The following WDR36 variants were observed in gnomAD, a reference collection of about 807,000 sequenced individuals.
WDR36 encodes the protein WD repeat domain 36, also known as WD repeat-containing protein 36.
WDR36 carries 63 observed loss-of-function variants against 112.7 expected under a neutral mutation model. The ratio of observed to expected loss-of-function variants is 0.56; its 90% CI spans 0.46 to 0.69. The LOEUF is 0.69. Ranked by LOEUF, WDR36 falls within the 30% of genes least tolerant of loss-of-function variation. WDR36 has a pLI of 0.00. For synonymous variants in WDR36, 410 were observed against 362.2 expected (o/e 1.13, Z -1.50); for missense variants, 1,226 against 1,070.3 (o/e 1.15, Z -2.03).
intron 8 of WDR36, 24 bp downstream of exon 8, chr5:111,104,376 T>C: frequency 6.2e-7 from 1 of 1,611,354 alleles, no homozygotes. Context: ...TGTTAACATC[T>C]TCCTGGCTCA....
chr5:111,115,541 C>T (rs1040620356), intron 16 of WDR36, among the ~76,000 whole-genome samples: 3 of 152,074 alleles, frequency 2.0e-5, no homozygotes, highest in African/African-American at 7.2e-5. Context: ...ATCATCTTTG[C>T]TCAGACTGTG....
chr5:111,126,712 A>G (rs1400283214), intron 22 of WDR36, 22 bp from the exon 23 acceptor site: 3 of 1,612,166 alleles, frequency 1.9e-6, no homozygotes, highest in African/African-American at 1.3e-5. Context: ...TAAATGTTCA[A>G]TCATCATATT....
intron 16 of WDR36, among the ~76,000 whole-genome samples, chr5:111,114,683 C>T (rs1439787492): frequency 6.6e-6 from 1 of 151,684 alleles, no homozygotes. Context: ...GTTGGTATTT[C>T]TTCAATTAAA....
chr5:111,094,896 T>C, intron 1 of WDR36, 24 bp from the exon 2 acceptor site: 1 of 1,573,144 alleles, frequency 6.4e-7, no homozygotes, highest in South Asian at 1.1e-5. Flanking sequence ...AATGAAAATT[T>C]AACCTTTTTT....
At chr5:111,124,247 A>G (rs1338696884) in intron 21 of WDR36, 58 bp downstream of exon 21, 1 of 1,378,108 alleles carries the variant, frequency 7.3e-7, no homozygotes, top group African/African-American at 1.5e-5. Context: ...ACTGTATATG[A>G]GGAGAAATTG....
Position 111,107,288 on chromosome 5 carries a change from T to G in WDR36, c.1181-6T>G. The stretch of plus-strand genomic sequence containing the variant: ...AATTTGATTTATGATTTTCATTACG[T>G]TTTAGAGGAAGCTCGTGAAAGTGAC... On this transcript the variant is annotated splice_polypyrimidine_tract_variant and splice_region_variant and intron_variant, in intron 11 of 22. Coordinates refer to ENST00000513710, the MANE Select transcript of WDR36 (RefSeq NM_139281.3). 1 of 1,608,812 alleles carries G rather than the reference T, an allele frequency of 6.2e-7. No individual in the cohort carries two copies. Among genetic ancestry groups the G allele is most frequent in the Non-Finnish European group, 8.5e-7 (1 of 1,176,726 alleles).
intron 14 of WDR36, 49 bp downstream of exon 14, chr5:111,111,002 G>A: frequency 1.2e-6 from 2 of 1,602,292 alleles, no homozygotes; most frequent in Non-Finnish European, 8.5e-7. Flanking sequence ...TTTGGTAAAA[G>A]TCATAAAGTC....
rs1446795232 is a variant in WDR36 at position 111,094,976 on chromosome 5, G to T, written c.190+29G>T. 3 of 1,595,746 alleles carry T rather than the reference G, an allele frequency of 1.9e-6. No homozygotes were observed. The East Asian group carries it at 6.7e-5, about 36-fold the overall frequency. On this transcript the variant is annotated intron_variant, in intron 2 of 22. Transcript: ENST00000513710. The stretch of plus-strand genomic sequence containing the variant: ...AGTATGGACTTTATTCTGAATTTAT[G>T]CACATCTAAACTTTTTTTTTATTTT...
chr5:111,110,669 T>A (rs1214898459), intron 13 of WDR36, 119 bp from the exon 14 acceptor site: 2 of 1,138,796 alleles, frequency 1.8e-6, no homozygotes, highest in Non-Finnish European at 2.6e-6. Flanking sequence ...AATTTCAAGA[T>A]TTTAAAGGAT....
intron 17 of WDR36, 29 bp from the exon 18 acceptor site, chr5:111,120,467 A>T: frequency 6.5e-7 from 1 of 1,547,050 alleles, no homozygotes; most frequent in Non-Finnish European, 8.9e-7. Flanking sequence ...TATAATTTTT[A>T]AAATATTGCT....
chr5:111,108,659 G>A (rs1045563035), intron 12 of WDR36, among the ~76,000 whole-genome samples: 6 of 151,328 alleles, frequency 4.0e-5, no homozygotes, highest in African/African-American at 1.5e-4. Flanking sequence ...TTTCTGTCTG[G>A]CATGGATTAT....
intron 8 of WDR36, 123 bp from the exon 9 acceptor site, chr5:111,104,574 G>C (rs1282992096): frequency 6.7e-7 from 1 of 1,483,148 alleles, no homozygotes; most frequent in Admixed American, 1.7e-5. Context: ...CTCCCTTGTA[G>C]CTCCAGAGTC....
At position 111,127,287 on chromosome 5, in the gene WDR36, A is replaced by T. The variant is rs540166624; in HGVS notation, c.*404A>T. On this transcript the variant is annotated 3_prime_UTR_variant, in exon 23 of 23. Coordinates refer to ENST00000513710, the MANE Select transcript of WDR36 (RefSeq NM_139281.3). The stretch of plus-strand genomic sequence containing the variant: ...TCACATTAACTTTTATATGATTTTT[A>T]AAAAATTATTACCTGCTTATATTTT... 204 of 212,882 alleles carry T rather than the reference A, an allele frequency of 9.6e-4. No individual in the cohort carries two copies. The highest frequency in any genetic ancestry group is 4.4e-3 in the African/African-American group (193 of 44,280). The allele number at this position is 212,882 out of a possible 1,614,324, so 13.2% of individuals were successfully genotyped here.
intron 19 of WDR36, among the ~76,000 whole-genome samples, chr5:111,123,074 A>G (rs1580404929): frequency 6.6e-6 from 1 of 151,528 alleles, no homozygotes; most frequent in Admixed American, 6.6e-5. Flanking sequence ...GCACCACTTC[A>G]CTCCAGCCTA....
At chr5:111,125,535 A>G (rs1240129161) in intron 21 of WDR36, 73 bp from the exon 22 acceptor site, 1 of 1,444,024 alleles carries the variant, frequency 6.9e-7, no homozygotes, top group Non-Finnish European at 9.5e-7. Context: ...TATTTGGGGT[A>G]TAAAAGGAAA....
rs1753218410 is a variant in WDR36, at chr5:111,106,152, C to T, written c.1180+9C>T. On this transcript the variant is annotated intron_variant, in intron 11 of 22. Coordinates refer to ENST00000513710, the MANE Select transcript of WDR36 (RefSeq NM_139281.3). ...CACAAAGTTTGCAGCAGGTAAGTAA[C>T]TTCAAACTGTGTTTTGAGAAGTTCT... is the stretch of plus-strand genomic sequence containing the variant. The T allele has an allele frequency of 3.7e-6, 6 of 1,605,700 alleles. No individual in the cohort carries two copies. In the South Asian group the frequency reaches 6.6e-5, roughly 18 times the overall value.
In WDR36 at chr5:111,107,344, A is replaced by T; in HGVS notation, c.1231A>T (p.Lys411Ter). ...WDGIIACHQG[K>*]LSCSTWNYQK... The stretch of plus-strand genomic sequence containing the variant: ...TGGTATCATTGCTTGCCATCAAGGT[A>T]AGCTATCTTGCTCAACCTGGAATTA... Residue 411 changes from lysine to a stop codon, truncating the protein, a stop_gained, in exon 12 of 23, where the codon AAG (lysine) becomes TAG (stop). Transcript: ENST00000513710. LOFTEE classifies it high-confidence loss of function. 6.2e-7 allele frequency: 1 copy of T among 1,610,626 alleles called. No homozygotes were observed. Among genetic ancestry groups the T allele is most frequent in the Non-Finnish European group, 8.5e-7 (1 of 1,177,756 alleles).
chr5:111,097,972 G>C (rs1753028084), intron 3 of WDR36, among the ~76,000 whole-genome samples: 1 of 152,184 alleles, frequency 6.6e-6, no homozygotes, highest in African/African-American at 2.4e-5. Context: ...GTTGTTTATA[G>C]TTTTCCCAGG....
At chr5:111,121,214 C>T (rs952695995) in intron 19 of WDR36, 73 bp downstream of exon 19, 1 of 1,544,092 alleles carries the variant, frequency 6.5e-7, no homozygotes, top group South Asian at 1.1e-5. Context: ...GCAGAGAGAA[C>T]TTCTCCTACA....
Sources: allele counts gnomAD v4.1 joint callset (sites outside exome capture counted in the v4.1 genomes callset), GRCh38; gene constraint gnomAD v4.1.1; transcripts MANE v1.5; gene names NCBI Gene and HGNC (gene_info 2026-07-23, HGNC 2026-07-21).